The following PCDH15 variants were observed in gnomAD, a reference collection of about 807,000 sequenced individuals.
The protein encoded by PCDH15 is protocadherin related 15.
A neutral mutation model predicts 178.5 loss-of-function variants in PCDH15; 129 were observed. The ratio of observed to expected loss-of-function variants is 0.72; its 90% CI spans 0.63 to 0.84. PCDH15 has a LOEUF of 0.84. PCDH15 is among the 40% of genes least tolerant of loss of function. The probability of loss-of-function intolerance (pLI) is 0.00; values close to 1 mark genes in which losing one functional copy is unlikely to be tolerated. For synonymous variants in PCDH15, 800 were observed against 732.0 expected (o/e 1.09, Z -1.50); for missense variants, 2,230 against 2,099.9 (o/e 1.06, Z -1.21).
chr10:55,063,585 G>A (rs1408434628), intron 2 of PCDH15, among the ~76,000 whole-genome samples: 1 of 152,022 alleles, frequency 6.6e-6, no homozygotes, highest in African/African-American at 2.4e-5. Flanking sequence ...TTCTGTATAT[G>A]TGTGCATGTT....
chr10:54,749,695 T>C (rs1301169259), intron 1 of PCDH15, among the ~76,000 whole-genome samples: 2 of 152,170 alleles, frequency 1.3e-5, no homozygotes, highest in Admixed American at 1.3e-4. Context: ...GGCTTATTAT[T>C]GGATTTGATT....
intron 2 of PCDH15, among the ~76,000 whole-genome samples, chr10:55,439,595 ATTT>A (rs34013835): frequency 6.6e-6 from 1 of 150,460 alleles, no homozygotes; most frequent in African/African-American, 2.4e-5. Context: ...AGTTTATGGC[ATTT>A]TTTTTTTTAA....
In PCDH15 at chr10:54,443,077, T is replaced by C. The variant is rs942749272; in HGVS notation, c.158-64135A>G. Among the ~76,000 whole-genome samples, 28 of 151,660 alleles carry C rather than the reference T, an allele frequency of 1.8e-4. 1 individual carries two copies. Among genetic ancestry groups the C allele is most frequent in the African/African-American group, 2.4e-5 (1 of 41,388 alleles). On this transcript the variant is annotated intron_variant, in intron 3 of 37. Transcript: ENST00000644397. ...ATAAAGAAGAGGTTTAGAGTGTTTT[T>C]CTGGTGACCTCCTGTTTAAGTTTGA... is the stretch of plus-strand genomic sequence containing the variant.
intron 2 of PCDH15, among the ~76,000 whole-genome samples, chr10:54,609,641 T>C (rs999357409): frequency 6.6e-6 from 1 of 151,978 alleles, no homozygotes; most frequent in Non-Finnish European, 1.5e-5. Context: ...CTGAAAGGGA[T>C]TTCAGGCTAT....
At chr10:54,079,562 A>G in intron 16 of PCDH15, 138 bp from the exon 17 acceptor site, 2 of 808,226 alleles carry the variant, frequency 2.5e-6, no homozygotes. Context: ...TAGATGTATA[A>G]TACTAAGATT....
intron 30 of PCDH15, among the ~76,000 whole-genome samples, chr10:53,830,611 C>T (rs1463606444): frequency 6.6e-6 from 1 of 152,018 alleles, no homozygotes; most frequent in African/African-American, 2.4e-5. Context: ...TAACCTACTT[C>T]AAATATGGAT....
At chr10:54,780,734 A>T (rs1192218432) in intron 1 of PCDH15, among the ~76,000 whole-genome samples, 4 of 54,242 alleles carry the variant, frequency 7.4e-5, no homozygotes, top group Non-Finnish European at 1.1e-4. Context: ...GCAATTGTGT[A>T]AAAAAAAAAA....
intron 1 of PCDH15, among the ~76,000 whole-genome samples, chr10:55,168,441 A>G (rs1839250791): frequency 6.6e-6 from 1 of 152,232 alleles, no homozygotes; most frequent in Non-Finnish European, 1.5e-5. Context: ...ATAGGAGGAA[A>G]GTTTATGCAG....
rs1842541847 is a variant in PCDH15 at position 55,578,577 on chromosome 10, AT to A, written c.-156+49047del. Reference sequence around the variant, plus strand: ...TGTGTCATTCATTATATTTAGCTGAATTATACCAACCGCACTTTCATTGACG... The same window carrying A: ...TGTGTCATTCATTATATTTAGCTGAATATACCAACCGCACTTTCATTGACG... On this transcript the variant is annotated intron_variant, in intron 2 of 5. Coordinates refer to the PCDH15 transcript ENST00000613346. Among the ~76,000 whole-genome samples the A allele has an allele frequency of 3.3e-5, 5 of 152,294 alleles. No homozygotes were observed. In the East Asian group the frequency reaches 9.6e-4, roughly 29 times the overall value.
intron 15 of PCDH15, among the ~76,000 whole-genome samples, chr10:54,122,524 CT>C (rs139516972): frequency 0.03 from 4,446 of 150,454 alleles, 238 homozygotes; most frequent in African/African-American, 0.1. Flanking sequence ...AGATGTTAAA[CT>C]TTTTTTTTCA....
intron 1 of PCDH15, among the ~76,000 whole-genome samples, chr10:54,794,126 GATATATATATATCTTAT>G (rs1369830677): frequency 7.0e-6 from 1 of 143,860 alleles, no homozygotes; most frequent in Non-Finnish European, 1.5e-5. Flanking sequence ...ATATATATAA[GATATATATATATCTTAT>G]ATATATCTTA....
At chr10:54,525,104 A>T (rs1003290606) in intron 3 of PCDH15, among the ~76,000 whole-genome samples, 4 of 152,254 alleles carry the variant, frequency 2.6e-5, no homozygotes, top group Non-Finnish European at 5.9e-5. Flanking sequence ...TGTATAAATA[A>T]GTGTTCTATA....
intron 2 of PCDH15, among the ~76,000 whole-genome samples, chr10:55,003,431 T>C (rs1436614887): frequency 6.6e-6 from 1 of 152,140 alleles, no homozygotes; most frequent in African/African-American, 2.4e-5. Context: ...AGAAATAATA[T>C]TGAAACATTG....
intron 2 of PCDH15, among the ~76,000 whole-genome samples, chr10:55,044,378 T>C: frequency 6.6e-6 from 1 of 152,156 alleles, no homozygotes; most frequent in Middle Eastern, 3.2e-3. Flanking sequence ...CTCCTAGTAT[T>C]AGAAAACCTA....
chr10:54,161,749 T>C (rs1365194030), intron 13 of PCDH15, among the ~76,000 whole-genome samples: 2 of 152,130 alleles, frequency 1.3e-5, no homozygotes, highest in Non-Finnish European at 2.9e-5. Context: ...CTCTCATCCA[T>C]GGATTATGAT....
rs945552182 is a variant in PCDH15 at position 54,411,656 on chromosome 10, A to T, written c.158-32714T>A. ...AATAAGTGCTGGTTGCTGCTACCAT[A>T]ATGATCAGTGTATTTCTATATTGTT... On this transcript the variant is annotated intron_variant, in intron 3 of 37. Coordinates refer to ENST00000644397, the MANE Select transcript of PCDH15 (RefSeq NM_001384140.1). Among the ~76,000 whole-genome samples the T allele has an allele frequency of 3.3e-5, 5 of 152,186 alleles. No individual in the cohort carries two copies. In the East Asian group the frequency reaches 9.6e-4, roughly 29 times the overall value.
Position 54,065,392 on chromosome 10 carries a change from C to T in PCDH15, c.2220+1365G>A, listed in dbSNP as rs377314544. ...TCTTCTTTGCCTCACTTTCTCACTT[C>T]CTTATCACTGTTATCTACACTTCTC... is the stretch of plus-strand genomic sequence containing the variant. On this transcript the variant is annotated intron_variant, in intron 18 of 37. Coordinates refer to ENST00000644397, the MANE Select transcript of PCDH15 (RefSeq NM_001384140.1). Among the ~76,000 whole-genome samples, 5 of 152,176 alleles carry T rather than the reference C, an allele frequency of 3.3e-5. No individual in the cohort carries two copies. The South Asian group carries it at 6.2e-4, about 19-fold the overall frequency.
At chr10:54,179,582 A>T (rs560057282) in intron 13 of PCDH15, among the ~76,000 whole-genome samples, 2 of 152,268 alleles carry the variant, frequency 1.3e-5, no homozygotes, top group African/African-American at 4.8e-5. Flanking sequence ...TAATAAAATA[A>T]AATTTAAAAA....
chr10:54,196,071 T>G (rs951609968), intron 10 of PCDH15, among the ~76,000 whole-genome samples, 182 bp from the exon 11 acceptor site: 1 of 152,188 alleles, frequency 6.6e-6, no homozygotes, highest in African/African-American at 2.4e-5. Flanking sequence ...GAGGCTTAAT[T>G]GCTTCAGTCT....
Sources: gnomAD v4.1 joint callset for allele counts (sites outside exome capture counted in the v4.1 genomes callset) on GRCh38, gnomAD v4.1.1 for gene constraint, MANE v1.5 for transcripts, NCBI Gene and HGNC (gene_info 2026-07-23, HGNC 2026-07-21) for gene names.